The following PRR14L variants were observed in gnomAD, a reference collection of about 807,000 sequenced individuals.
The protein encoded by PRR14L is protein PRR14L.
PRR14L carries 80 observed loss-of-function variants against 155.0 expected under a neutral mutation model. The ratio of observed to expected loss-of-function variants is 0.52; its 90% CI spans 0.43 to 0.62. PRR14L has a LOEUF of 0.62. Among genes scored for constraint, PRR14L ranks in the 20% least tolerant of loss-of-function variants. The pLI is 0.00. For synonymous variants in PRR14L, 883 were observed against 916.0 expected (o/e 0.96, Z 0.65); for missense variants, 2,469 against 2,548.0 (o/e 0.97, Z 0.67).
chr22:31,692,227 T>C (rs1242019486), intron 7 of PRR14L, among the ~76,000 whole-genome samples: 2 of 152,236 alleles, frequency 1.3e-5, no homozygotes, highest in South Asian at 4.1e-4. Context: ...GGTAACTAAT[T>C]TTTTCAGGAA....
chr22:31,740,798 C>A (rs181608983), intron 1 of PRR14L, among the ~76,000 whole-genome samples: 3 of 152,244 alleles, frequency 2.0e-5, no homozygotes, highest in African/African-American at 7.2e-5. Flanking sequence ...AATTAGATTG[C>A]TGTTCCATGA....
In PRR14L at chr22:31,706,364, C is replaced by CAA. The variant is rs1192585065; in HGVS notation, c.5757-1640_5757-1639dup. Among the ~76,000 whole-genome samples, 165 of 57,022 alleles carry CAA rather than the reference C, an allele frequency of 2.9e-3. 1 individual carries two copies. The highest frequency in any genetic ancestry group is 0.011 in the Middle Eastern group (1 of 90). 37.4% of individuals were successfully genotyped at this position (57,022 alleles called of 152,430 possible). On this transcript the variant is annotated intron_variant, in intron 4 of 8. Coordinates refer to ENST00000327423, the MANE Select transcript of PRR14L (RefSeq NM_173566.3). Reference sequence around the variant, plus strand: ...GGCGACAGAGCAAGACTCTATCTCACAAAAAAAAAAAAAAAAAAGGAGAAA... The same window carrying CAA: ...GGCGACAGAGCAAGACTCTATCTCACAAAAAAAAAAAAAAAAAAAAGGAGAAA...
Position 31,738,725 on chromosome 22 carries a change from G to A in PRR14L, c.136C>T (p.Pro46Ser). 3 of 1,551,874 alleles carry A rather than the reference G, an allele frequency of 1.9e-6. No homozygotes were observed. Among genetic ancestry groups the A allele is most frequent in the Non-Finnish European group, 2.6e-6 (3 of 1,147,042 alleles). ...CTTGAGGCTCCAGGTTTTACATCTG[G>A]AATCACACTTGGCTCAGGGTCAGCA... The part of the protein sequence containing the change: ...LHADPEPSVI[P>S]DVKPGASSSL... The change falls in exon 2 of 9, where the codon CCA (proline) becomes TCA (serine). Residue 46 changes from proline to serine, a missense_variant. This residue lies in a region of PRR14L where 2,363 missense variants were observed against 2,371.6 expected (regional missense o/e 1.00). Transcript: ENST00000327423.
chr22:31,743,385 T>C (rs981163428), intron 1 of PRR14L, among the ~76,000 whole-genome samples: 14 of 152,192 alleles, frequency 9.2e-5, no homozygotes, highest in Admixed American at 3.9e-4. Context: ...AAAAATGTTC[T>C]AAAGTCAATT....
rs1601503653 is a variant in PRR14L at position 31,713,348 on chromosome 22, G to A, written c.4491C>T (p.Asp1497=). The A allele has an allele frequency of 1.3e-6, 2 of 1,552,090 alleles. No homozygotes were observed. Among genetic ancestry groups the A allele is most frequent in the African/African-American group, 1.4e-5 (1 of 73,038 alleles). ...TTTGATCACACCCAGCAGAGGAGGG[G>A]TCTTGTGCTTTCCGAGGGGCACCAA... ...CLLGAPRKAQ[D]PSSAGCDQIH... is the part of the protein sequence containing the mutation. Residue 1497 remains aspartate, a synonymous_variant, in exon 4 of 9, where the codon GAC becomes GAT. Coordinates refer to ENST00000327423, the MANE Select transcript of PRR14L (RefSeq NM_173566.3).
intron 2 of PRR14L, among the ~76,000 whole-genome samples, chr22:31,730,197 T>C (rs1015390924): frequency 6.6e-6 from 1 of 150,928 alleles, no homozygotes; most frequent in Non-Finnish European, 1.5e-5. Flanking sequence ...CCCAGCACTT[T>C]GGGAGGCCAA....
rs777324299 is a variant in PRR14L, at chr22:31,715,526, C to G, written c.2313G>C (p.Val771=). 1 of 1,552,186 alleles carries G rather than the reference C, an allele frequency of 6.4e-7. No individual in the cohort carries two copies. Among genetic ancestry groups the G allele is most frequent in the African/African-American group, 1.4e-5 (1 of 73,146 alleles). ...CGCTGTGACATTCTATGACAGAGACCACTTGAGGAAAGCCAGCTGCTTCTC... is the reference window on the plus strand; with the variant it reads ...CGCTGTGACATTCTATGACAGAGACGACTTGAGGAAAGCCAGCTGCTTCTC... ...NKREAAGFPQ[V]VSVIECHSVQ... The change falls in exon 4 of 9, where the codon GTG becomes GTC. Residue 771 remains valine (V), a synonymous_variant. Coordinates refer to ENST00000327423, the MANE Select transcript of PRR14L (RefSeq NM_173566.3).
intron 1 of PRR14L, among the ~76,000 whole-genome samples, chr22:31,746,279 C>T (rs1307143637): frequency 6.6e-6 from 1 of 152,098 alleles, no homozygotes; most frequent in Non-Finnish European, 1.5e-5. Flanking sequence ...ACCATTATTT[C>T]TCAAGATCTA....
intron 3 of PRR14L, among the ~76,000 whole-genome samples, chr22:31,720,060 C>T (rs2053984222): frequency 6.6e-6 from 1 of 152,082 alleles, no homozygotes; most frequent in South Asian, 2.1e-4. Flanking sequence ...ACCTCTAAGC[C>T]TTGGTTTCTT....
chr22:31,715,428 G>A lies in PRR14L; in HGVS notation c.2411C>T (p.Ser804Phe), dbSNP rs1035369924. 1 of 1,552,328 alleles carries A rather than the reference G, an allele frequency of 6.4e-7. No homozygotes were observed. Among genetic ancestry groups the A allele is most frequent in the South Asian group, 1.2e-5 (1 of 84,062 alleles). ...NVSQENMCSA[S>F]AAFKSSKISL... ...GATTTTGCTGGACTTGAAAGCAGCA[G>A]AAGCAGAACACATGTTTTCCTGGGA... Residue 804 changes from serine (S) to phenylalanine (F), a missense_variant, in exon 4 of 9, where the codon TCT becomes TTT. Around this residue, in one of 2 missense-constraint regions of PRR14L, gnomAD observed 2,363 missense variants for 2,371.6 expected, o/e 1.00. Transcript: ENST00000327423.
At chr22:31,706,969 A>G (rs953327240) in intron 4 of PRR14L, among the ~76,000 whole-genome samples, 2 of 151,944 alleles carry the variant, frequency 1.3e-5, no homozygotes, top group Non-Finnish European at 2.9e-5. Context: ...GAATCGCTTG[A>G]ACCCGGGAGG....
intron 1 of PRR14L, among the ~76,000 whole-genome samples, chr22:31,748,831 C>CT (rs372896546): frequency 3.8e-4 from 58 of 152,052 alleles, no homozygotes; most frequent in African/African-American, 1.3e-3. Flanking sequence ...AAAGCTAAGT[C>CT]TTTTTTTTAC....
At chr22:31,741,073 G>C (rs1346646017) in intron 1 of PRR14L, among the ~76,000 whole-genome samples, 1 of 151,474 alleles carries the variant, frequency 6.6e-6, no homozygotes, top group Non-Finnish European at 1.5e-5. Flanking sequence ...CTAACACGGT[G>C]AAACCCTATC....
chr22:31,692,310 C>G (rs368396665), intron 7 of PRR14L, among the ~76,000 whole-genome samples: 1 of 151,956 alleles, frequency 6.6e-6, no homozygotes, highest in African/African-American at 2.4e-5. Context: ...GTTTGAGTTT[C>G]TCCACACCCT....
chr22:31,735,642 G>GAA (rs11443259), intron 2 of PRR14L, among the ~76,000 whole-genome samples: 15,410 of 130,270 alleles, frequency 0.12, 969 homozygotes, highest in Admixed American at 0.18. Flanking sequence ...CCCTAAATTG[G>GAA]AAAAAAAAAA....
chr22:31,691,102 T>C (rs547084865), intron 7 of PRR14L, among the ~76,000 whole-genome samples: 1 of 151,984 alleles, frequency 6.6e-6, no homozygotes, highest in South Asian at 2.1e-4. Flanking sequence ...TAGCTGGGAT[T>C]ACAGGCGCCT....
intron 7 of PRR14L, among the ~76,000 whole-genome samples, chr22:31,693,236 G>A (rs994657218): frequency 3.9e-5 from 6 of 152,070 alleles, no homozygotes; most frequent in Non-Finnish European, 5.9e-5. Flanking sequence ...TACCCTCTGT[G>A]CTCCACCTAG....
At position 31,713,824 on chromosome 22, in the gene PRR14L, C is replaced by T. The variant is rs567680239; in HGVS notation, c.4015G>A (p.Glu1339Lys). Reference sequence around the variant, plus strand: ...CCCAGTCGTCCCCTCTGATGCTCTTCGGTTTCTTCTCCTTTCACTTTAATA... The same window carrying T: ...CCCAGTCGTCCCCTCTGATGCTCTTTGGTTTCTTCTCCTTTCACTTTAATA... ...TDIKVKGEET[E>K]EHQRGRLGYL... Residue 1339 changes from glutamate to lysine, a missense_variant, in exon 4 of 9, where the codon GAA becomes AAA. Physicochemically the swap from Glu to Lys is moderately conservative, Grantham distance 56. Transcript: ENST00000327423. 2.5e-4 allele frequency: 389 copies of T among 1,552,352 alleles called. 4 individuals carry two copies. The East Asian group carries it at 6.0e-3, about 24-fold the overall frequency.
At chr22:31,702,915 A>C (rs2074569929) in intron 6 of PRR14L, among the ~76,000 whole-genome samples, 1 of 151,680 alleles carries the variant, frequency 6.6e-6, no homozygotes, top group African/African-American at 2.4e-5. Context: ...TCCCGGGCTC[A>C]AGCAATTCTC....
Sources: gnomAD v4.1 joint callset for allele counts (sites outside exome capture counted in the v4.1 genomes callset) on GRCh38, gnomAD v4.1.1 for gene constraint, gnomAD v4.1.1 regional missense constraint, MANE v1.5 for transcripts, NCBI Gene and HGNC (gene_info 2026-07-23, HGNC 2026-07-21) for gene names.